Variants in LRRC37A3 observed in about 807,000 individuals in gnomAD.
The protein encoded by LRRC37A3 is leucine rich repeat containing 37 member A3.
A neutral mutation model predicts 106.2 loss-of-function variants in LRRC37A3; 25 were observed. That is an observed-to-expected ratio of 0.24 (90% CI 0.17 to 0.33). LRRC37A3 has a LOEUF of 0.33. Ranked by LOEUF, LRRC37A3 falls within the 10% of genes least tolerant of loss-of-function variation. LRRC37A3 has a pLI of 1.00. For synonymous variants in LRRC37A3, 305 were observed against 635.8 expected, an observed-to-expected ratio of 0.48 and a Z score of 7.83; for missense variants, 712 against 1,644.9, an observed-to-expected ratio of 0.43 and a Z score of 9.81.
At chr17:64,881,122 G>A (rs1326367715) in intron 8 of LRRC37A3, 4 of 700,766 alleles carry the variant, frequency 5.7e-6, no homozygotes, top group South Asian at 1.5e-5. Context: ...ATAGGTTCGT[G>A]AGCCACACAT....
intron 2 of LRRC37A3, among the ~76,000 whole-genome samples, chr17:64,917,041 C>T (rs1225051605): frequency 2.0e-5 from 3 of 150,956 alleles, no homozygotes; most frequent in African/African-American, 7.3e-5. Context: ...GTCAGGATAT[C>T]GAGACCATCC....
intron 13 of LRRC37A3, 45 bp from the exon 14 acceptor site, chr17:64,855,934 C>A: frequency 1.1e-5 from 18 of 1,611,098 alleles, no homozygotes; most frequent in Non-Finnish European, 1.4e-5. Context: ...TGACAACAAC[C>A]ACCATCTCCA....
intron 8 of LRRC37A3, among the ~76,000 whole-genome samples, chr17:64,880,483 T>G (rs1409430161): frequency 6.6e-6 from 1 of 152,182 alleles, no homozygotes; most frequent in Non-Finnish European, 1.5e-5. Context: ...GATGATCATT[T>G]CCATTTCTGG....
intron 2 of LRRC37A3, among the ~76,000 whole-genome samples, chr17:64,910,549 C>G (rs888361727): frequency 6.6e-6 from 1 of 151,734 alleles, no homozygotes; most frequent in Non-Finnish European, 1.5e-5. Flanking sequence ...TCAGAGTTGA[C>G]TCCTACGTTT....
chr17:64,879,066 GAC>G (rs1340048101), intron 8 of LRRC37A3, among the ~76,000 whole-genome samples: 1 of 151,634 alleles, frequency 6.6e-6, no homozygotes, highest in Non-Finnish European at 1.5e-5. Context: ...AAAGAAACTA[GAC>G]ACAAAAGGCC....
chr17:64,881,511 G>C (rs1213488218), intron 8 of LRRC37A3, among the ~76,000 whole-genome samples: 3 of 131,108 alleles, frequency 2.3e-5, no homozygotes, highest in Non-Finnish European at 4.8e-5. Context: ...GCCTCCCAAA[G>C]TGCTGAGATT....
intron 2 of LRRC37A3, chr17:64,901,162 C>T (rs1974298769): frequency 6.7e-6 from 1 of 149,436 alleles, no homozygotes; most frequent in African/African-American, 2.5e-5. Context: ...TCTGGTCTCA[C>T]AGCTCAGTTT....
At chr17:64,908,890 C>T (rs1410254051) in intron 2 of LRRC37A3, among the ~76,000 whole-genome samples, 5 of 142,186 alleles carry the variant, frequency 3.5e-5, no homozygotes, top group Non-Finnish European at 7.3e-5. Context: ...CAGGGATACT[C>T]TGCCTCTCTA....
At chr17:64,905,144 C>T (rs1335219386) in intron 2 of LRRC37A3, among the ~76,000 whole-genome samples, 4 of 151,254 alleles carry the variant, frequency 2.6e-5, no homozygotes, top group Non-Finnish European at 5.9e-5. Flanking sequence ...TATTTAAAGG[C>T]TCTGTCAGGT....
At chr17:64,866,173 G>GA (rs1360545705) in intron 10 of LRRC37A3, among the ~76,000 whole-genome samples, 1 of 151,594 alleles carries the variant, frequency 6.6e-6, no homozygotes, top group East Asian at 1.9e-4. Context: ...TAATGGTCAA[G>GA]AAAAAAGCAG....
At chr17:64,863,695 A>G (rs1451748214) in intron 10 of LRRC37A3, 5 of 152,426 alleles carry the variant, frequency 3.3e-5, no homozygotes, top group African/African-American at 7.2e-5. Flanking sequence ...ATACAAATTC[A>G]TTCAGACAAG....
At chr17:64,893,648 ATTT>A (rs3972251) in intron 4 of LRRC37A3, among the ~76,000 whole-genome samples, 4 of 86,944 alleles carry the variant, frequency 4.6e-5, no homozygotes, top group Admixed American at 3.5e-4. Context: ...CCCTCCTATC[ATTT>A]TTTTTTTTTT....
At chr17:64,861,835 C>A (rs1270572007) in intron 11 of LRRC37A3, among the ~76,000 whole-genome samples, 1 of 152,150 alleles carries the variant, frequency 6.6e-6, no homozygotes, top group Non-Finnish European at 1.5e-5. Context: ...AAGCTTCTGA[C>A]TGCATGAAGG....
intron 13 of LRRC37A3, among the ~76,000 whole-genome samples, chr17:64,857,008 G>A (rs1359996670): frequency 6.6e-6 from 1 of 151,304 alleles, no homozygotes; most frequent in Non-Finnish European, 1.5e-5. Flanking sequence ...GGAAAGGAAA[G>A]GAAAAAGGAA....
chr17:64,876,550 T>C (rs562850754), intron 8 of LRRC37A3, among the ~76,000 whole-genome samples: 1 of 152,132 alleles, frequency 6.6e-6, no homozygotes, highest in East Asian at 1.9e-4. Flanking sequence ...CTTAGAGACA[T>C]AAAAAGGATT....
intron 5 of LRRC37A3, among the ~76,000 whole-genome samples, chr17:64,889,982 G>C (rs1236451348): frequency 2.6e-5 from 1 of 38,380 alleles, no homozygotes; most frequent in Non-Finnish European, 4.1e-5. Flanking sequence ...TGAAGAGTGG[G>C]TTTCTTCCCA....
intron 2 of LRRC37A3, chr17:64,909,764 G>A (rs572626440): frequency 1.3e-5 from 2 of 152,274 alleles, no homozygotes; most frequent in African/African-American, 2.4e-5. Context: ...ATTAATGTAC[G>A]CCCACAAAAG....
At chr17:64,876,361 T>C (rs895604747) in intron 8 of LRRC37A3, among the ~76,000 whole-genome samples, 9 of 152,040 alleles carry the variant, frequency 5.9e-5, no homozygotes, top group Non-Finnish European at 1.3e-4. Context: ...TTTTAAATTT[T>C]TTTTGTAGAG....
At position 64,854,222 on chromosome 17, in the gene LRRC37A3, G is replaced by A. The variant is rs1220821277; in HGVS notation, c.*377C>T. On this transcript the variant is annotated 3_prime_UTR_variant, in exon 15 of 15. Coordinates refer to ENST00000584306, the MANE Select transcript of LRRC37A3 (RefSeq NM_199340.5). ...TGAACATTCATGCGTGTGCTTGAGG[G>A]CTTGGGAAAAAGACAGGGCTTGGCC... 3.0e-6 allele frequency: 1 copy of A among 335,516 alleles called. No homozygotes were observed. The highest frequency in any genetic ancestry group is 5.4e-6 in the Non-Finnish European group (1 of 184,330). 20.8% of individuals were successfully genotyped at this position (335,516 alleles called of 1,614,324 possible).
Sources: gnomAD v4.1 joint callset for allele counts (sites outside exome capture counted in the v4.1 genomes callset) on GRCh38, gnomAD v4.1.1 for gene constraint, MANE v1.5 for transcripts, NCBI Gene and HGNC (gene_info 2026-07-23, HGNC 2026-07-21) for gene names.